COX7B2: variants seen among roughly 807,000 people sequenced by gnomAD.
The protein encoded by COX7B2 is cytochrome c oxidase subunit 7B2, mitochondrial.
For synonymous variants in COX7B2, 37 were observed against 32.1 expected (o/e 1.15, Z -0.51); for missense variants, 109 against 95.9 (o/e 1.14, Z -0.57).
chr4:46,767,974 A>G (rs1288773184), intron 2 of COX7B2, among the ~76,000 whole-genome samples: 2 of 152,216 alleles, frequency 1.3e-5, no homozygotes, highest in African/African-American at 4.8e-5. Flanking sequence ...GGCTGGGGCG[A>G]GTGCCTTTGG....
chr4:46,829,731 A>G (rs1047029788), intron 2 of COX7B2, among the ~76,000 whole-genome samples: 1 of 152,240 alleles, frequency 6.6e-6, no homozygotes, highest in Non-Finnish European at 1.5e-5. Context: ...AAAGGGAAGT[A>G]GGAAAATGAG....
chr4:46,872,180 A>T (rs1164577969), intron 1 of COX7B2, among the ~76,000 whole-genome samples: 1 of 152,196 alleles, frequency 6.6e-6, no homozygotes, highest in African/African-American at 2.4e-5. Flanking sequence ...GGGAACAAGG[A>T]TGGAGCTGGA....
At chr4:46,752,512 T>A (rs1420676781) in intron 2 of COX7B2, among the ~76,000 whole-genome samples, 3 of 151,872 alleles carry the variant, frequency 2.0e-5, no homozygotes, top group African/African-American at 7.3e-5. Flanking sequence ...TCAAGCAGAG[T>A]GCTTCCAGTT....
chr4:46,849,931 G>A, intron 1 of COX7B2, among the ~76,000 whole-genome samples: 1 of 151,900 alleles, frequency 6.6e-6, no homozygotes, highest in East Asian at 1.9e-4. Flanking sequence ...ATTAAGTCTA[G>A]CCCTGTGCTT....
intron 2 of COX7B2, among the ~76,000 whole-genome samples, chr4:46,774,908 A>C (rs1481171970): frequency 6.6e-6 from 1 of 152,092 alleles, no homozygotes; most frequent in African/African-American, 2.4e-5. Context: ...CAAGTTATTC[A>C]CTCAAAAAAT....
chr4:46,843,682 G>C (rs79418185), intron 2 of COX7B2, among the ~76,000 whole-genome samples: 1 of 151,938 alleles, frequency 6.6e-6, no homozygotes, highest in Non-Finnish European at 1.5e-5. Flanking sequence ...TTGTAGTTCT[G>C]CAAATTATTA....
chr4:46,745,481 A>T (rs1714966923), intron 2 of COX7B2, among the ~76,000 whole-genome samples: 1 of 152,164 alleles, frequency 6.6e-6, no homozygotes, highest in South Asian at 2.1e-4. Context: ...CATTTTGGAG[A>T]CTTTAAAAAA....
intron 2 of COX7B2, among the ~76,000 whole-genome samples, chr4:46,754,710 G>GTATATA: frequency 4.3e-5 from 1 of 23,070 alleles, no homozygotes; most frequent in Admixed American, 7.3e-4. Flanking sequence ...GTGTGTGTGT[G>GTATATA]TGTGTGTGTG....
chr4:46,828,655 G>A (rs950027374), intron 2 of COX7B2, among the ~76,000 whole-genome samples: 1 of 152,092 alleles, frequency 6.6e-6, no homozygotes, highest in Non-Finnish European at 1.5e-5. Context: ...TGCACATAGA[G>A]TACAATCAGT....
At chr4:46,897,233 G>T (rs546062685) in intron 1 of COX7B2, among the ~76,000 whole-genome samples, 2 of 152,226 alleles carry the variant, frequency 1.3e-5, no homozygotes, top group East Asian at 3.9e-4. Flanking sequence ...GTCATGAACT[G>T]CCAGCTCTTG....
chr4:46,747,939 A>G (rs756490908), intron 2 of COX7B2, among the ~76,000 whole-genome samples: 1 of 151,474 alleles, frequency 6.6e-6, no homozygotes, highest in Non-Finnish European at 1.5e-5. Flanking sequence ...GTAATTTATA[A>G]TACTGAATAT....
At chr4:46,750,228 ACAC>A (rs1715275357) in intron 2 of COX7B2, among the ~76,000 whole-genome samples, 1 of 151,082 alleles carries the variant, frequency 6.6e-6, no homozygotes, top group South Asian at 2.1e-4. Context: ...ACACACACAC[ACAC>A]ACACACACAC....
At chr4:46,849,724 A>G (rs1014948938) in intron 1 of COX7B2, among the ~76,000 whole-genome samples, 1 of 152,076 alleles carries the variant, frequency 6.6e-6, no homozygotes, top group Admixed American at 6.6e-5. Flanking sequence ...TTTAGGGTAC[A>G]TGTGCACAAC....
intron 2 of COX7B2, among the ~76,000 whole-genome samples, chr4:46,827,510 A>C (rs1262925226): frequency 6.6e-6 from 1 of 152,160 alleles, no homozygotes; most frequent in African/African-American, 2.4e-5. Flanking sequence ...ATCTACTGAA[A>C]GTACCCTACA....
At chr4:46,792,567 G>A (rs577545816) in intron 2 of COX7B2, among the ~76,000 whole-genome samples, 9 of 152,150 alleles carry the variant, frequency 5.9e-5, no homozygotes, top group African/African-American at 1.7e-4. Flanking sequence ...TTACACTATC[G>A]GTGCTCCTAG....
intron 1 of COX7B2, among the ~76,000 whole-genome samples, chr4:46,877,852 A>T (rs188416983): frequency 2.6e-5 from 4 of 152,274 alleles, no homozygotes; most frequent in African/African-American, 9.6e-5. Context: ...CATAACAACC[A>T]CATAACCCTG....
intron 2 of COX7B2, among the ~76,000 whole-genome samples, chr4:46,827,976 G>T (rs1438567337): frequency 3.9e-5 from 6 of 152,134 alleles, no homozygotes; most frequent in Non-Finnish European, 5.9e-5. Flanking sequence ...AAAACTTTTG[G>T]AGGGGATGGA....
At chr4:46,771,275 C>A (rs990360718) in intron 2 of COX7B2, among the ~76,000 whole-genome samples, 5 of 152,158 alleles carry the variant, frequency 3.3e-5, no homozygotes, top group African/African-American at 1.2e-4. Flanking sequence ...TTACCTCAGA[C>A]CCATTAGGAT....
At chr4:46,827,387 G>T (rs1714770530) in intron 2 of COX7B2, among the ~76,000 whole-genome samples, 1 of 152,164 alleles carries the variant, frequency 6.6e-6, no homozygotes, top group East Asian at 1.9e-4. Flanking sequence ...TATGTAGATG[G>T]TAACAATCAT....
Sources: allele counts gnomAD v4.1 joint callset (sites outside exome capture counted in the v4.1 genomes callset), GRCh38; gene constraint gnomAD v4.1.1; transcripts MANE v1.5; gene names NCBI Gene and HGNC (gene_info 2026-07-23, HGNC 2026-07-21).